The following NRXN3 variants were observed in gnomAD, a reference collection of about 807,000 sequenced individuals.
The protein encoded by NRXN3 is neurexin 3.
In NRXN3, 32 loss-of-function variants were observed where a neutral mutation model predicts 137.6. The observed-to-expected ratio is 0.23, with a 90% CI of 0.18 to 0.31. The LOEUF (loss-of-function observed/expected upper bound fraction) is 0.31. Ranked by LOEUF, NRXN3 falls within the 10% of genes least tolerant of loss-of-function variation. The pLI is 1.00. For synonymous variants in NRXN3, 798 were observed against 784.5 expected, an observed-to-expected ratio of 1.02 and a Z score of -0.29; for missense variants, 1,574 against 2,062.5, an observed-to-expected ratio of 0.76 and a Z score of 4.59.
chr14:79,349,456 G>A (rs1566876590), intron 15 of NRXN3, among the ~76,000 whole-genome samples: 2 of 151,528 alleles, frequency 1.3e-5, no homozygotes, highest in Non-Finnish European at 2.9e-5. Flanking sequence ...AAAGAAAGGA[G>A]AGCAAATACC....
At chr14:79,691,008 G>T (rs1163644477) in intron 17 of NRXN3, among the ~76,000 whole-genome samples, 1 of 152,070 alleles carries the variant, frequency 6.6e-6, no homozygotes, top group Non-Finnish European at 1.5e-5. Flanking sequence ...TGAATCAAAA[G>T]TAATGAATTA....
At position 79,663,783 on chromosome 14, in the gene NRXN3, G is replaced by C; in HGVS notation, c.3450G>C (p.Gln1150His). Reference sequence around the variant, plus strand: ...TTTGTGTTTCTTTATTATAGGAACAGGGGAAAATTGGAGTTGTCTTCAACA... The same window carrying C: ...TTTGTGTTTCTTTATTATAGGAACACGGGAAAATTGGAGTTGTCTTCAACA... ...LGDFLQLHIE[Q>H]GKIGVVFNIG... Residue 1150 changes from glutamine to histidine, a missense_variant, in exon 17 of 21, where the codon CAG (glutamine) becomes CAC (histidine). Transcript: ENST00000335750. 1 of 1,612,526 alleles carries C rather than the reference G, an allele frequency of 6.2e-7. No homozygotes were observed. The highest frequency in any genetic ancestry group is 1.7e-5 in the Admixed American group (1 of 59,860).
chr14:78,176,790 C>T (rs2059313844), intron 1 of NRXN3, among the ~76,000 whole-genome samples: 1 of 151,958 alleles, frequency 6.6e-6, no homozygotes, highest in Admixed American at 6.6e-5. Context: ...ATTGCAGCTG[C>T]TGCTGTGGGG....
intron 10 of NRXN3, among the ~76,000 whole-genome samples, chr14:78,885,208 T>C (rs1487517017): frequency 6.7e-6 from 1 of 149,070 alleles, no homozygotes; most frequent in Non-Finnish European, 1.5e-5. Flanking sequence ...ATGTAAAATA[T>C]ATAAATATAA....
intron 1 of NRXN3, among the ~76,000 whole-genome samples, chr14:78,226,445 A>G (rs1285027377): frequency 6.6e-6 from 1 of 152,216 alleles, no homozygotes; most frequent in African/African-American, 2.4e-5. Flanking sequence ...CTAACCTGGA[A>G]TAACAAATGC....
At chr14:79,158,337 A>T (rs372035861) in intron 15 of NRXN3, among the ~76,000 whole-genome samples, 23 of 151,868 alleles carry the variant, frequency 1.5e-4, no homozygotes, top group African/African-American at 4.6e-4. Context: ...TGAATATCTA[A>T]TAGTGAGATT....
intron 10 of NRXN3, among the ~76,000 whole-genome samples, chr14:78,891,554 A>G (rs760812732): frequency 4.0e-4 from 61 of 151,970 alleles, no homozygotes; most frequent in Non-Finnish European, 3.2e-4. Context: ...GAGGCAATAT[A>G]TTACATGGGT....
chr14:79,196,090 G>C (rs982672489), intron 15 of NRXN3, among the ~76,000 whole-genome samples: 1 of 152,184 alleles, frequency 6.6e-6, no homozygotes, highest in African/African-American at 2.4e-5. Context: ...ACACTAGTCA[G>C]GGGTGAGATT....
chr14:78,962,457 C>T (rs1046154550), intron 11 of NRXN3, among the ~76,000 whole-genome samples: 28 of 152,074 alleles, frequency 1.8e-4, no homozygotes, highest in African/African-American at 4.8e-4. Flanking sequence ...AATATATTTG[C>T]CCCTTAAGTA....
chr14:79,385,209 C>CA (rs1364149996), intron 15 of NRXN3, among the ~76,000 whole-genome samples: 1 of 94,364 alleles, frequency 1.1e-5, no homozygotes, highest in Non-Finnish European at 2.5e-5. Context: ...ATCCTTCCCC[C>CA]CGCCCCCACC....
intron 6 of NRXN3, among the ~76,000 whole-genome samples, chr14:78,660,252 T>TA (rs2097826361): frequency 7.7e-6 from 1 of 130,540 alleles, no homozygotes; most frequent in African/African-American, 3.7e-5. Flanking sequence ...AAGAAGTAGA[T>TA]TTATATATAT....
At chr14:79,092,187 C>T (rs1341995966) in intron 15 of NRXN3, among the ~76,000 whole-genome samples, 2 of 152,104 alleles carry the variant, frequency 1.3e-5, no homozygotes, top group Non-Finnish European at 2.9e-5. Flanking sequence ...GCAGGGAACA[C>T]GTTTGAAACG....
At chr14:79,604,533 A>AGT (rs1405991449) in intron 16 of NRXN3, among the ~76,000 whole-genome samples, 3 of 106,010 alleles carry the variant, frequency 2.8e-5, no homozygotes, top group Non-Finnish European at 5.3e-5. Context: ...CTGCTCCCGG[A>AGT]CTTTTTTTTT....
chr14:78,890,401 A>G (rs1307385753), intron 10 of NRXN3, among the ~76,000 whole-genome samples: 1 of 151,966 alleles, frequency 6.6e-6, no homozygotes, highest in Admixed American at 6.6e-5. Flanking sequence ...AAATAATCTA[A>G]GCACACATTG....
chr14:79,417,801 C>A (rs950505754), intron 15 of NRXN3, among the ~76,000 whole-genome samples: 1 of 151,956 alleles, frequency 6.6e-6, no homozygotes, highest in Admixed American at 6.6e-5. Flanking sequence ...GTTCAATCCC[C>A]ATGCTCAAAA....
intron 15 of NRXN3, among the ~76,000 whole-genome samples, chr14:79,260,425 C>T (rs1362573298): frequency 6.6e-6 from 1 of 152,134 alleles, no homozygotes; most frequent in Non-Finnish European, 1.5e-5. Context: ...CCATTTAAGG[C>T]CCAGAGAACT....
At chr14:79,528,616 TTTTG>T (rs144902399) in intron 16 of NRXN3, among the ~76,000 whole-genome samples, 198 of 152,010 alleles carry the variant, frequency 1.3e-3, no homozygotes, top group Admixed American at 2.4e-3. Context: ...TTTTGATTCT[TTTTG>T]TTTGTTTGTT....
intron 16 of NRXN3, among the ~76,000 whole-genome samples, chr14:79,517,975 G>T (rs539611704): frequency 7.6e-6 from 1 of 131,524 alleles, no homozygotes; most frequent in Non-Finnish European, 1.5e-5. Flanking sequence ...GTGCGATCTC[G>T]GTTCACTGCA....
At chr14:79,200,745 T>C (rs1352122364) in intron 15 of NRXN3, among the ~76,000 whole-genome samples, 1 of 151,956 alleles carries the variant, frequency 6.6e-6, no homozygotes, top group Non-Finnish European at 1.5e-5. Flanking sequence ...TGCTAACCTG[T>C]TCTGATATTC....
Sources: allele counts gnomAD v4.1 joint callset (sites outside exome capture counted in the v4.1 genomes callset), GRCh38; gene constraint gnomAD v4.1.1; transcripts MANE v1.5; gene names NCBI Gene and HGNC (gene_info 2026-07-23, HGNC 2026-07-21).